Variants in KLHL1 observed in about 807,000 individuals in gnomAD.
The protein encoded by KLHL1 is kelch like family member 1, also known as kelch-like protein 1.
Under a neutral mutation model 77.7 loss-of-function variants are expected in KLHL1, and 47 were observed. That is an observed-to-expected ratio of 0.60 (90% CI 0.48 to 0.77). The LOEUF is 0.77. Among genes scored for constraint, KLHL1 ranks in the 30% least tolerant of loss-of-function variants. KLHL1 has a pLI of 0.00. For missense variants in KLHL1, 925 were observed against 910.8 expected (o/e 1.02, Z -0.20); for synonymous variants, 360 against 325.2 (o/e 1.11, Z -1.15).
intron 4 of KLHL1, among the ~76,000 whole-genome samples, chr13:69,903,630 CTT>C (rs35761520): frequency 3.3e-3 from 167 of 50,146 alleles, no homozygotes; most frequent in African/African-American, 0.016. Flanking sequence ...TGTTCACATT[CTT>C]TTTTTTTTTT....
chr13:69,895,003 G>A, intron 4 of KLHL1: 1 of 505,334 alleles, frequency 2.0e-6, no homozygotes, highest in South Asian at 1.5e-5. Flanking sequence ...TGTAGACACG[G>A]TGGTATGATT....
intron 1 of KLHL1, among the ~76,000 whole-genome samples, chr13:70,008,063 T>C (rs937576831): frequency 1.6e-4 from 24 of 152,184 alleles, no homozygotes; most frequent in African/African-American, 5.8e-4. Flanking sequence ...TATTTGGTTT[T>C]CTGGAGTATC....
At chr13:70,013,026 T>C (rs1041053370) in intron 1 of KLHL1, among the ~76,000 whole-genome samples, 2 of 152,188 alleles carry the variant, frequency 1.3e-5, no homozygotes, top group African/African-American at 4.8e-5. Flanking sequence ...CATAAGTTCT[T>C]GTATTTACAC....
At chr13:69,883,853 G>A (rs1881096132) in intron 4 of KLHL1, among the ~76,000 whole-genome samples, 1 of 152,212 alleles carries the variant, frequency 6.6e-6, no homozygotes, top group Admixed American at 6.5e-5. Context: ...AGATTCTGCT[G>A]TTTGGCCTTC....
chr13:69,853,838 TTAC>T (rs573734726), intron 5 of KLHL1, among the ~76,000 whole-genome samples: 2 of 152,152 alleles, frequency 1.3e-5, no homozygotes, highest in South Asian at 4.1e-4. Context: ...AATGAAGACA[TTAC>T]ATCTTCTTCA....
chr13:69,708,212 C>T (rs1303921410), intron 9 of KLHL1, among the ~76,000 whole-genome samples: 1 of 151,944 alleles, frequency 6.6e-6, no homozygotes, highest in Non-Finnish European at 1.5e-5. Context: ...TTCCTTTAAA[C>T]CAGTTCTGAA....
chr13:69,733,313 A>T (rs1873630223), intron 8 of KLHL1, among the ~76,000 whole-genome samples: 1 of 152,170 alleles, frequency 6.6e-6, no homozygotes, highest in Admixed American at 6.6e-5. Context: ...ATTGAATTTT[A>T]AAAATACAAG....
intron 5 of KLHL1, among the ~76,000 whole-genome samples, chr13:69,839,876 T>C (rs1879173204): frequency 6.6e-6 from 1 of 152,058 alleles, no homozygotes; most frequent in Non-Finnish European, 1.5e-5. Context: ...AAGTATCTTT[T>C]ATTTTCCTCT....
At chr13:70,000,951 C>A in intron 1 of KLHL1, among the ~76,000 whole-genome samples, 1 of 148,080 alleles carries the variant, frequency 6.8e-6, no homozygotes, top group African/African-American at 2.5e-5. Flanking sequence ...AAATAGATGC[C>A]AGAATATTAA....
intron 4 of KLHL1, among the ~76,000 whole-genome samples, chr13:69,911,128 G>A (rs977182305): frequency 6.6e-6 from 1 of 151,814 alleles, no homozygotes; most frequent in African/African-American, 2.4e-5. Context: ...TCTCTCTTCT[G>A]TCTCCCTCTT....
At chr13:69,793,478 T>G (rs1000516226) in intron 7 of KLHL1, among the ~76,000 whole-genome samples, 2 of 131,082 alleles carry the variant, frequency 1.5e-5, no homozygotes, top group African/African-American at 2.9e-5. Context: ...CTCATGTGAC[T>G]TTCTCATAAA....
chr13:70,067,673 G>C (rs183190625), intron 1 of KLHL1, among the ~76,000 whole-genome samples: 5 of 152,036 alleles, frequency 3.3e-5, no homozygotes, highest in African/African-American at 1.2e-4. Context: ...AAAGGTTCTT[G>C]ATGTGGCTTT....
intron 7 of KLHL1, among the ~76,000 whole-genome samples, chr13:69,766,981 T>A (rs1875334414): frequency 1.3e-5 from 2 of 152,302 alleles, no homozygotes; most frequent in African/African-American, 4.8e-5. Context: ...AAACTGACAA[T>A]GAACAGCATA....
intron 6 of KLHL1, among the ~76,000 whole-genome samples, chr13:69,813,845 T>G (rs894813420): frequency 2.6e-5 from 4 of 152,124 alleles, no homozygotes; most frequent in African/African-American, 9.7e-5. Flanking sequence ...CAGATTTAAC[T>G]CTATTCCTAT....
intron 4 of KLHL1, among the ~76,000 whole-genome samples, chr13:69,915,502 C>T (rs1882397000): frequency 1.3e-5 from 2 of 152,292 alleles, no homozygotes; most frequent in South Asian, 4.1e-4. Flanking sequence ...AAACGATTCC[C>T]TATTTAATAA....
intron 1 of KLHL1, among the ~76,000 whole-genome samples, chr13:70,092,347 T>G (rs1384313944): frequency 1.3e-5 from 2 of 152,194 alleles, no homozygotes; most frequent in African/African-American, 4.8e-5. Context: ...TCTACCTATA[T>G]GACTTTGTTC....
intron 1 of KLHL1, among the ~76,000 whole-genome samples, chr13:70,095,637 T>G (rs1887771181): frequency 6.6e-6 from 1 of 152,158 alleles, no homozygotes; most frequent in African/African-American, 2.4e-5. Flanking sequence ...ATCAGGGTAA[T>G]TGAGATATTC....
At chr13:69,741,692 C>A (rs1209008087) in intron 7 of KLHL1, among the ~76,000 whole-genome samples, 1 of 152,118 alleles carries the variant, frequency 6.6e-6, no homozygotes, top group Non-Finnish European at 1.5e-5. Flanking sequence ...TTCCTTAGAG[C>A]ATTTACTTTA....
In KLHL1 at chr13:70,038,576, CATTA is replaced by C. The variant is rs1295319252; in HGVS notation, c.498-62778_498-62775del. The stretch of plus-strand genomic sequence containing the variant: ...CATCTTTGCCAGCATTTGGGATTGT[CATTA>C]ATTTTTTTTTTTTTTTTTTTTTTTT... On this transcript the variant is annotated intron_variant, in intron 1 of 10. Transcript: ENST00000377844. Among the ~76,000 whole-genome samples the C allele has an allele frequency of 6.6e-5, 7 of 106,304 alleles. No homozygotes were observed. The East Asian group carries it at 2.4e-3, about 36-fold the overall frequency. The allele number at this position is 106,304 out of a possible 152,430, so 69.7% of individuals were successfully genotyped here. A position where few individuals can be genotyped will look rare whatever the true frequency, so the allele number is the denominator to read the frequency against.
Sources: gnomAD v4.1 joint callset for allele counts (sites outside exome capture counted in the v4.1 genomes callset) on GRCh38, gnomAD v4.1.1 for gene constraint, MANE v1.5 for transcripts, NCBI Gene and HGNC (gene_info 2026-07-23, HGNC 2026-07-21) for gene names.